Variants in ULK4 observed in about 807,000 individuals in gnomAD.
ULK4 encodes the protein inactive serine/threonine-protein kinase ULK4.
Under a neutral mutation model 160.6 loss-of-function variants are expected in ULK4, and 133 were observed. The observed-to-expected ratio is 0.83, with a 90% CI of 0.72 to 0.96. The LOEUF (loss-of-function observed/expected upper bound fraction) is 0.96, where lower values mean the gene tolerates loss of function less well. Among genes scored for constraint, ULK4 ranks in the 40% least tolerant of loss-of-function variants. The pLI, the probability that ULK4 is intolerant of heterozygous loss-of-function variation, is 0.00. For missense variants in ULK4, 1,580 were observed against 1,499.5 expected (o/e 1.05, Z -0.89); for synonymous variants, 534 against 539.8 (o/e 0.99, Z 0.15).
intron 2 of ULK4, among the ~76,000 whole-genome samples, chr3:41,943,775 C>G (rs1700034134): frequency 6.6e-6 from 1 of 152,108 alleles, no homozygotes; most frequent in Non-Finnish European, 1.5e-5. Context: ...AAGCCAAAAC[C>G]TCCCCTTGTA....
At chr3:41,384,045 C>G (rs2081739374) in intron 35 of ULK4, among the ~76,000 whole-genome samples, 2 of 152,144 alleles carry the variant, frequency 1.3e-5, no homozygotes, top group Admixed American at 6.6e-5. Flanking sequence ...ATGTATCTCT[C>G]CAAGCATGCC....
intron 18 of ULK4, among the ~76,000 whole-genome samples, chr3:41,824,389 A>G (rs150899815): frequency 7.7e-4 from 117 of 152,188 alleles, no homozygotes; most frequent in Non-Finnish European, 1.4e-3. Context: ...GGGGAAGCGC[A>G]AGGGGTCAGT....
intron 30 of ULK4, among the ~76,000 whole-genome samples, chr3:41,629,365 AGCTGC>A (rs376930595): frequency 8.9e-4 from 136 of 152,318 alleles, no homozygotes; most frequent in Non-Finnish European, 1.7e-3. Flanking sequence ...ATCTATCTAT[AGCTGC>A]ATTCTCCATG....
chr3:41,773,590 G>C (rs1441562623), intron 21 of ULK4, among the ~76,000 whole-genome samples: 1 of 152,092 alleles, frequency 6.6e-6, no homozygotes, highest in Non-Finnish European at 1.5e-5. Flanking sequence ...ACAAATGGAA[G>C]AACATTCCAT....
intron 35 of ULK4, among the ~76,000 whole-genome samples, chr3:41,327,941 T>C (rs2080368560): frequency 6.6e-6 from 1 of 152,074 alleles, no homozygotes; most frequent in Non-Finnish European, 1.5e-5. Flanking sequence ...GGCACAAAAA[T>C]CAAAGTCAAA....
At chr3:41,622,638 T>C (rs2125692807) in intron 30 of ULK4, among the ~76,000 whole-genome samples, 1 of 152,006 alleles carries the variant, frequency 6.6e-6, no homozygotes. Flanking sequence ...TTAGGACAAA[T>C]ACCTAATGCA....
chr3:41,507,937 T>C (rs367872161), intron 32 of ULK4, among the ~76,000 whole-genome samples: 14 of 152,296 alleles, frequency 9.2e-5, no homozygotes, highest in East Asian at 1.9e-4. Flanking sequence ...AGAGCATCCA[T>C]AGACCCTTTG....
intron 21 of ULK4, among the ~76,000 whole-genome samples, chr3:41,757,531 C>G (rs2038844807): frequency 6.8e-6 from 1 of 146,036 alleles, no homozygotes; most frequent in Non-Finnish European, 1.5e-5. Flanking sequence ...ACTCCGGAGG[C>G]TGAGGCAGGA....
chr3:41,909,544 C>G (rs986796096), intron 11 of ULK4, among the ~76,000 whole-genome samples: 1 of 94,398 alleles, frequency 1.1e-5, no homozygotes, highest in Non-Finnish European at 2.2e-5. Context: ...AACTCCATCT[C>G]TACTAAAAAT....
At chr3:41,783,692 C>T (rs1238811491) in intron 21 of ULK4, among the ~76,000 whole-genome samples, 3 of 152,156 alleles carry the variant, frequency 2.0e-5, no homozygotes, top group Non-Finnish European at 4.4e-5. Context: ...CTATACTACT[C>T]ATATGAATCC....
intron 32 of ULK4, among the ~76,000 whole-genome samples, chr3:41,540,564 C>T (rs188910998): frequency 1.3e-5 from 2 of 152,040 alleles, no homozygotes; most frequent in African/African-American, 2.4e-5. Flanking sequence ...GTAATGGGAT[C>T]GCTGGGTCAA....
intron 22 of ULK4, among the ~76,000 whole-genome samples, chr3:41,718,865 T>G (rs2037361684): frequency 6.6e-6 from 1 of 152,230 alleles, no homozygotes; most frequent in Admixed American, 6.5e-5. Context: ...TGCGTTTCCA[T>G]GTATTACTAT....
intron 30 of ULK4, among the ~76,000 whole-genome samples, chr3:41,648,984 C>T (rs749708361): frequency 3.3e-5 from 5 of 151,982 alleles, no homozygotes; most frequent in African/African-American, 7.2e-5. Context: ...AAAAATTAGC[C>T]GGGCATGGTG....
At chr3:41,317,435 T>C (rs562369238) in intron 35 of ULK4, among the ~76,000 whole-genome samples, 1 of 152,176 alleles carries the variant, frequency 6.6e-6, no homozygotes, top group African/African-American at 2.4e-5. Context: ...AACATTGTCA[T>C]TTTACTTTTT....
At chr3:41,438,098 T>C (rs1372441276) in intron 34 of ULK4, among the ~76,000 whole-genome samples, 4 of 138,272 alleles carry the variant, frequency 2.9e-5, no homozygotes, top group Non-Finnish European at 4.6e-5. Context: ...TTAAAATACA[T>C]GTTTATTGTT....
intron 23 of ULK4, 140 bp downstream of exon 23, chr3:41,717,588 G>T: frequency 9.4e-7 from 1 of 1,061,496 alleles, no homozygotes; most frequent in Non-Finnish European, 1.3e-6. Context: ...TTTAAATCTT[G>T]AAACTACATA....
chr3:41,445,282 A>G (rs2083271505), intron 34 of ULK4, among the ~76,000 whole-genome samples: 1 of 152,218 alleles, frequency 6.6e-6, no homozygotes, highest in Non-Finnish European at 1.5e-5. Context: ...CAATATCGTG[A>G]AAATGGCCAT....
intron 20 of ULK4, among the ~76,000 whole-genome samples, chr3:41,799,059 A>G (rs918519143): frequency 2.0e-5 from 3 of 152,124 alleles, no homozygotes; most frequent in Non-Finnish European, 4.4e-5. Flanking sequence ...CTGGGCAGCA[A>G]AGGGAAAGTC....
chr3:41,383,271 A>G (rs2081715607), intron 35 of ULK4, among the ~76,000 whole-genome samples: 2 of 151,858 alleles, frequency 1.3e-5, no homozygotes, highest in African/African-American at 2.4e-5. Context: ...GCTAATTTTT[A>G]TATTTTAAGT....
Sources: gnomAD v4.1 joint callset for allele counts (sites outside exome capture counted in the v4.1 genomes callset) on GRCh38, gnomAD v4.1.1 for gene constraint, MANE v1.5 for transcripts, NCBI Gene and HGNC (gene_info 2026-07-23, HGNC 2026-07-21) for gene names.